Variants in GLB1 observed in about 807,000 individuals in gnomAD.
GLB1 encodes galactosidase beta 1, also known as beta-galactosidase.
Under a neutral mutation model 74.0 loss-of-function variants are expected in GLB1, and 56 were observed. The observed-to-expected ratio is 0.76, with a 90% CI of 0.61 to 0.94. GLB1 has a LOEUF of 0.94. GLB1 is among the 40% of genes least tolerant of loss of function. GLB1 has a pLI of 0.00. For missense variants in GLB1, 787 were observed against 845.5 expected (o/e 0.93, Z 0.86); for synonymous variants, 323 against 323.6 (o/e 1.00, Z 0.02).
At chr3:33,086,613 G>C (rs763067606) in intron 1 of GLB1, among the ~76,000 whole-genome samples, 1 of 152,124 alleles carries the variant, frequency 6.6e-6, no homozygotes, top group Non-Finnish European at 1.5e-5. Context: ...TACCCAAAAA[G>C]CGAAAAAGTT....
chr3:33,003,238 A>G (rs1349135076), intron 15 of GLB1, among the ~76,000 whole-genome samples: 1 of 152,240 alleles, frequency 6.6e-6, no homozygotes, highest in Non-Finnish European at 1.5e-5. Context: ...ATCAAATCCC[A>G]AATAAAAATT....
At chr3:33,002,532 G>A (rs993842830) in intron 15 of GLB1, among the ~76,000 whole-genome samples, 4 of 152,012 alleles carry the variant, frequency 2.6e-5, no homozygotes, top group African/African-American at 9.7e-5. Flanking sequence ...TCGGGGGGAG[G>A]TATGCACGTG....
In GLB1 at chr3:33,095,151, T is replaced by TCA. The variant is rs1166857701; in HGVS notation, c.75+1859_75+1860insTG. 7.4e-3 allele frequency among the ~76,000 whole-genome samples: 919 copies of TCA among 124,428 alleles called. 15 individuals are homozygous for TCA. The highest frequency in any genetic ancestry group is 0.027 in the African/African-American group (864 of 31,520). The allele number at this position is 124,428 out of a possible 152,430, so 81.6% of individuals were successfully genotyped here. On this transcript the variant is annotated intron_variant, in intron 1 of 15. Transcript: ENST00000307363. Reference sequence around the variant, plus strand: ...ACTTGAACCTGGGAGGTGGAAGTTGTAGTGAGCCAAGATCGTGCCACTGCA... The same window carrying TCA: ...ACTTGAACCTGGGAGGTGGAAGTTGTCAAGTGAGCCAAGATCGTGCCACTGCA...
Position 33,067,703 on chromosome 3 carries a change from C to T in GLB1, c.457+527G>A, listed in dbSNP as rs1485387430. Among the ~76,000 whole-genome samples the T allele has an allele frequency of 2.0e-5, 3 of 152,190 alleles. No individual in the cohort carries two copies. In the South Asian group the frequency reaches 6.2e-4, roughly 32 times the overall value. The stretch of plus-strand genomic sequence containing the variant: ...GTTCAATACCAATTCAAAGAATTAC[C>T]AGTTTATCAGTAAGATCTGGTTACG... On this transcript the variant is annotated intron_variant, in intron 4 of 15. Coordinates refer to ENST00000307363, the MANE Select transcript of GLB1 (RefSeq NM_000404.4).
rs1559413033 is a variant in GLB1 at position 33,074,409 on chromosome 3, A to AAAGAAAGAAAG, written c.76-1697_76-1696insCTTTCTTTCTT. Among the ~76,000 whole-genome samples, 13 of 115,116 alleles carry AAAGAAAGAAAG rather than the reference A, an allele frequency of 1.1e-4. 1 individual carries two copies. The highest frequency in any genetic ancestry group is 2.0e-4 in the Admixed American group (2 of 10,096). 75.5% of individuals were successfully genotyped at this position (115,116 alleles called of 152,430 possible). A position where few individuals can be genotyped will look rare whatever the true frequency, so the allele number is the denominator to read the frequency against. ...GGAAGGAAGAAAGAAAGAAAGAAAG[A>AAAGAAAGAAAG]ATATTACACATAGTAAAGTATTACT... is the stretch of plus-strand genomic sequence containing the variant. On this transcript the variant is annotated intron_variant, in intron 1 of 15. Transcript: ENST00000307363.
chr3:32,993,194 C>A (rs940678735), downstream of GLB1, among the ~76,000 whole-genome samples: 9 of 152,072 alleles, frequency 5.9e-5, no homozygotes, highest in Middle Eastern at 3.2e-3. Flanking sequence ...TGAAAAAAAA[C>A]CCCACCTCGG....
intron 5 of GLB1, 37 bp from the exon 6 acceptor site, chr3:33,058,306 T>G: frequency 6.2e-7 from 1 of 1,612,954 alleles, no homozygotes; most frequent in Non-Finnish European, 8.5e-7. Flanking sequence ...AATGAGGAGA[T>G]CCTAATGTAG....
At chr3:32,970,674 C>T in the GLB1 span, among the ~76,000 whole-genome samples, 4 of 152,222 alleles carry the variant, frequency 2.6e-5, no homozygotes, top group South Asian at 4.2e-4. Flanking sequence ...TCACCATAGC[C>T]GGCTGAAACC....
chr3:33,030,338 A>C, intron 10 of GLB1: 2 of 216,798 alleles, frequency 9.2e-6, no homozygotes, highest in East Asian at 1.8e-4. Context: ...TGTTTTAGAG[A>C]AATCACTCTG....
At chr3:33,016,668 C>T (rs750727671) in intron 14 of GLB1, 41 bp downstream of exon 14, 1 of 1,611,476 alleles carries the variant, frequency 6.2e-7, no homozygotes, top group Admixed American at 1.7e-5. Context: ...TCTAAGTTGT[C>T]ACCCCTTAAA....
intron 1 of GLB1, among the ~76,000 whole-genome samples, chr3:33,074,385 G>GAAAGAAAAAGA (rs1338351259): frequency 5.0e-5 from 1 of 19,854 alleles, no homozygotes; most frequent in South Asian, 3.2e-3. Flanking sequence ...AGGAAGGAAG[G>GAAAGAAAAAGA]AAGGAAGAAA....
At chr3:33,081,381 T>A (rs936315992) in intron 1 of GLB1, among the ~76,000 whole-genome samples, 4 of 152,116 alleles carry the variant, frequency 2.6e-5, no homozygotes, top group Non-Finnish European at 5.9e-5. Context: ...GTTGGGAGGA[T>A]CCTTGGAACC....
chr3:33,024,136 G>A lies in GLB1; in HGVS notation c.1143+115C>T, dbSNP rs72854768. ...CATTAGGCTTGCAGAAAACAAATTCGCAGAAAAATAACGAACCAATTCCTC... is the reference window on the plus strand; with the variant it reads ...CATTAGGCTTGCAGAAAACAAATTCACAGAAAAATAACGAACCAATTCCTC... On this transcript the variant is annotated intron_variant, in intron 11 of 15. Transcript: ENST00000307363. 9.0e-4 allele frequency: 1,108 copies of A among 1,224,606 alleles called. 12 individuals carry two copies. The African/African-American group carries it at 0.015, about 17-fold the overall frequency. The allele number at this position is 1,224,606 out of a possible 1,614,324, so 75.9% of individuals were successfully genotyped here. A position where few individuals can be genotyped will look rare whatever the true frequency, so the allele number is the denominator to read the frequency against.
At chr3:33,075,531 A>C (rs1700073681) in intron 1 of GLB1, among the ~76,000 whole-genome samples, 1 of 152,152 alleles carries the variant, frequency 6.6e-6, no homozygotes, top group Non-Finnish European at 1.5e-5. Flanking sequence ...ACAGACAAGA[A>C]CCACACAGAT....
chr3:32,982,565 T>C, the GLB1 span, among the ~76,000 whole-genome samples: 2 of 152,138 alleles, frequency 1.3e-5, no homozygotes, highest in East Asian at 1.9e-4. Context: ...TTTCTATTGT[T>C]CCTGTCTTAT....
At position 33,002,366 on chromosome 3, in the gene GLB1, A is replaced by ATCCTTCCTTCCTTCCTTCCATCCT. The variant is rs201204908; in HGVS notation, c.1735-5023_1735-5022insAGGATGGAAGGAAGGAAGGAAGGA. ...CTCCCTCCCTTCCTTCCTTCCTTCC[A>ATCCTTCCTTCCTTCCTTCCATCCT]TCCTTCCTTCCTTCCTTATGAGGCA... is the stretch of plus-strand genomic sequence containing the variant. On this transcript the variant is annotated intron_variant, in intron 15 of 15. Coordinates refer to ENST00000307363, the MANE Select transcript of GLB1 (RefSeq NM_000404.4). Among the ~76,000 whole-genome samples, 3 of 73,926 alleles carry ATCCTTCCTTCCTTCCTTCCATCCT rather than the reference A, an allele frequency of 4.1e-5. No homozygotes were observed. The East Asian group carries it at 1.4e-3, about 34-fold the overall frequency. 48.5% of individuals were successfully genotyped at this position (73,926 alleles called of 152,430 possible).
At chr3:32,987,156 C>T in the GLB1 span, among the ~76,000 whole-genome samples, 33 of 152,204 alleles carry the variant, frequency 2.2e-4, no homozygotes, top group African/African-American at 5.3e-4. Flanking sequence ...TGGCAGCCTG[C>T]GGCCAATGGC....
At chr3:33,073,970 A>G (rs9811260) in intron 1 of GLB1, among the ~76,000 whole-genome samples, 2,709 of 149,472 alleles carry the variant, frequency 0.018, 65 homozygotes, top group East Asian at 0.075. Context: ...AGTGCAGTGA[A>G]CCGTGTTCAT....
chr3:32,997,391 GC>G, intron 15 of GLB1, 47 bp from the exon 16 acceptor site: 1 of 1,609,226 alleles, frequency 6.2e-7, no homozygotes, highest in East Asian at 2.2e-5. Flanking sequence ...TGCACCGAAA[GC>G]CCTGAGGAAG....
Sources: gnomAD v4.1 joint callset for allele counts (sites outside exome capture counted in the v4.1 genomes callset) on GRCh38, gnomAD v4.1.1 for gene constraint, MANE v1.5 for transcripts, NCBI Gene and HGNC (gene_info 2026-07-23, HGNC 2026-07-21) for gene names.